The following AKT3 variants were observed in gnomAD, a reference collection of about 807,000 sequenced individuals.
AKT3 encodes RAC-gamma serine/threonine-protein kinase.
AKT3 carries 15 observed loss-of-function variants against 65.3 expected under a neutral mutation model. The ratio of observed to expected loss-of-function variants is 0.23; its 90% CI spans 0.15 to 0.35. The LOEUF is 0.35. AKT3 is among the 10% of genes least tolerant of loss of function. The pLI, the probability that AKT3 is intolerant of heterozygous loss-of-function variation, is 1.00. For missense variants in AKT3, 243 were observed against 576.5 expected, an observed-to-expected ratio of 0.42 and a Z score of 5.92; for synonymous variants, 206 against 183.8, an observed-to-expected ratio of 1.12 and a Z score of -0.98.
chr1:243,685,873 A>G (rs1325779976), intron 3 of AKT3, among the ~76,000 whole-genome samples: 1 of 152,160 alleles, frequency 6.6e-6, no homozygotes, highest in African/African-American at 2.4e-5. Flanking sequence ...TCTCAGCCCC[A>G]ATCTCCTTAA....
intron 2 of AKT3, among the ~76,000 whole-genome samples, chr1:243,837,227 G>A (rs1395770602): frequency 6.6e-6 from 1 of 152,002 alleles, no homozygotes; most frequent in South Asian, 2.1e-4. Flanking sequence ...GAACATCTTG[G>A]ATGAAAAGGA....
At chr1:243,671,615 G>A (rs1024275938) in intron 3 of AKT3, among the ~76,000 whole-genome samples, 9 of 152,274 alleles carry the variant, frequency 5.9e-5, no homozygotes, top group Middle Eastern at 3.4e-3. Context: ...TCCAATGAGC[G>A]GAAGGTGACT....
At chr1:243,760,345 T>C (rs943449521) in intron 2 of AKT3, among the ~76,000 whole-genome samples, 4 of 139,950 alleles carry the variant, frequency 2.9e-5, no homozygotes, top group African/African-American at 1.0e-4. Flanking sequence ...CAGGCTAGTC[T>C]TGAACTCCTA....
intron 2 of AKT3, among the ~76,000 whole-genome samples, chr1:243,808,993 T>C (rs930798201): frequency 2.6e-5 from 4 of 152,158 alleles, no homozygotes; most frequent in Non-Finnish European, 5.9e-5. Context: ...AGAGATTTTG[T>C]CACCACCAGG....
chr1:243,547,655 T>A (rs181552385), intron 11 of AKT3, among the ~76,000 whole-genome samples: 35 of 152,302 alleles, frequency 2.3e-4, no homozygotes, highest in African/African-American at 7.7e-4. Context: ...GTCAAAAAAT[T>A]GTCAAGCCAT....
chr1:243,642,914 T>C (rs929785517), intron 5 of AKT3, among the ~76,000 whole-genome samples: 1 of 152,102 alleles, frequency 6.6e-6, no homozygotes, highest in African/African-American at 2.4e-5. Flanking sequence ...ATTAGCATAT[T>C]TGGTCAAAAA....
chr1:243,498,391 G>A (rs1345601799), downstream of AKT3, among the ~76,000 whole-genome samples: 1 of 152,176 alleles, frequency 6.6e-6, no homozygotes, highest in African/African-American at 2.4e-5. Flanking sequence ...GTGGGCCCAG[G>A]AAATTGTCCA....
At chr1:243,690,778 G>A (rs556778462) in intron 3 of AKT3, among the ~76,000 whole-genome samples, 3 of 152,076 alleles carry the variant, frequency 2.0e-5, no homozygotes, top group Non-Finnish European at 2.9e-5. Context: ...CGAGACACTT[G>A]AGTTTTATTC....
rs1669540332 is a variant in AKT3, at chr1:243,504,609, A to G, written c.*640T>C. 3 of 180,058 alleles carry G rather than the reference A, an allele frequency of 1.7e-5. No individual in the cohort carries two copies. Among genetic ancestry groups the G allele is most frequent in the Non-Finnish European group, 3.5e-5 (3 of 84,608 alleles). The allele number at this position is 180,058 out of a possible 1,614,324, so 11.2% of individuals were successfully genotyped here. ...ATGTGATATGGGCTTCTTCTACAGT[A>G]TCCACCAGGAATTTAAAAAAAAAAA... On this transcript the variant is annotated 3_prime_UTR_variant, in exon 14 of 14. Coordinates refer to ENST00000673466, the MANE Select transcript of AKT3 (RefSeq NM_005465.7).
At chr1:243,760,274 A>G (rs1689399950) in intron 2 of AKT3, among the ~76,000 whole-genome samples, 2 of 125,816 alleles carry the variant, frequency 1.6e-5, no homozygotes, top group Admixed American at 9.0e-5. Flanking sequence ...ATGTACCTCT[A>G]TATCTGGCTT....
chr1:243,650,444 C>G (rs1356577792), intron 4 of AKT3, among the ~76,000 whole-genome samples: 2 of 152,154 alleles, frequency 1.3e-5, no homozygotes, highest in African/African-American at 4.8e-5. Flanking sequence ...GCTTTTGTTG[C>G]CATTGCTTTT....
At chr1:243,509,226 T>C (rs1669869387) in intron 13 of AKT3, among the ~76,000 whole-genome samples, 1 of 152,180 alleles carries the variant, frequency 6.6e-6, no homozygotes, top group South Asian at 2.1e-4. Flanking sequence ...GGCTTTTATA[T>C]TGCTGATTAA....
rs1553433261 is a variant in AKT3, at chr1:243,686,630, CATATATAT to C, written c.172+8953_172+8960del. ...CATTTTACAACATACAAATTGTTTTCATATATATATATATATATATATTTTTTTTTTTT... is the reference window on the plus strand; with the variant it reads ...CATTTTACAACATACAAATTGTTTTCATATATATATATATTTTTTTTTTTT... On this transcript the variant is annotated intron_variant, in intron 3 of 13. Transcript: ENST00000673466. Among the ~76,000 whole-genome samples, 39 of 18,852 alleles carry C rather than the reference CATATATAT, an allele frequency of 2.1e-3. 2 individuals are homozygous for C. Among genetic ancestry groups the C allele is most frequent in the Admixed American group, 3.6e-3 (3 of 832 alleles). The allele number at this position is 18,852 out of a possible 152,430, so 12.4% of individuals were successfully genotyped here. A position where few individuals can be genotyped will look rare whatever the true frequency, so the allele number is the denominator to read the frequency against.
At chr1:243,636,084 A>G (rs1679949402) in intron 6 of AKT3, among the ~76,000 whole-genome samples, 1 of 152,094 alleles carries the variant, frequency 6.6e-6, no homozygotes, top group South Asian at 2.1e-4. Flanking sequence ...AACAGAAATT[A>G]AATAATGGGA....
At chr1:243,612,373 C>T (rs978933804) in intron 8 of AKT3, 2 of 152,138 alleles carry the variant, frequency 1.3e-5, no homozygotes, top group Non-Finnish European at 2.9e-5. Context: ...CCTCAGCCTC[C>T]CCAACTGCTG....
intron 2 of AKT3, among the ~76,000 whole-genome samples, chr1:243,826,042 G>C (rs1275296118): frequency 2.0e-5 from 3 of 151,982 alleles, no homozygotes; most frequent in Non-Finnish European, 2.9e-5. Flanking sequence ...TGAGGCAGGA[G>C]AATCACTTGA....
At chr1:243,795,517 G>C (rs1479141632) in intron 2 of AKT3, among the ~76,000 whole-genome samples, 1 of 132,616 alleles carries the variant, frequency 7.5e-6, no homozygotes. Context: ...TGTCGCCCAG[G>C]CTGGAGTGCA....
intron 2 of AKT3, among the ~76,000 whole-genome samples, chr1:243,761,564 T>C (rs900788752): frequency 2.0e-5 from 3 of 152,136 alleles, no homozygotes; most frequent in African/African-American, 7.2e-5. Context: ...AAAAGAAATT[T>C]TGACACATGG....
intron 2 of AKT3, among the ~76,000 whole-genome samples, chr1:243,760,401 A>G (rs1047438648): frequency 4.8e-5 from 7 of 146,464 alleles, no homozygotes; most frequent in African/African-American, 1.8e-4. Context: ...TGCTGGGATT[A>G]CCATGGGAGC....
Sources: gnomAD v4.1 joint callset for allele counts (sites outside exome capture counted in the v4.1 genomes callset) on GRCh38, gnomAD v4.1.1 for gene constraint, MANE v1.5 for transcripts, NCBI Gene and HGNC (gene_info 2026-07-23, HGNC 2026-07-21) for gene names.